CCSER1: variants seen among roughly 807,000 people sequenced by gnomAD.
CCSER1 encodes the protein coiled-coil serine rich protein 1.
Under a neutral mutation model 82.0 loss-of-function variants are expected in CCSER1, and 41 were observed. The observed-to-expected ratio is 0.50, with a 90% CI of 0.39 to 0.65. The LOEUF is 0.65. Among genes scored for constraint, CCSER1 ranks in the 30% least tolerant of loss-of-function variants. The probability of loss-of-function intolerance (pLI) is 0.00; values close to 1 mark genes in which losing one functional copy is unlikely to be tolerated. For synonymous variants in CCSER1, 414 were observed against 383.9 expected (o/e 1.08, Z -0.92); for missense variants, 1,119 against 1,064.2 (o/e 1.05, Z -0.72).
At chr4:91,370,675 G>A (rs961234319) in intron 10 of CCSER1, among the ~76,000 whole-genome samples, 11 of 151,126 alleles carry the variant, frequency 7.3e-5, no homozygotes, top group Admixed American at 2.0e-4. Context: ...CAGCCTGGGC[G>A]ACAGAATGAG....
intron 9 of CCSER1, among the ~76,000 whole-genome samples, chr4:91,079,879 T>A (rs1420250221): frequency 6.6e-6 from 1 of 152,162 alleles, no homozygotes; most frequent in South Asian, 2.1e-4. Context: ...ATTCTAAATT[T>A]ATAGGCACCC....
At chr4:91,288,653 C>T (rs985118694) in intron 10 of CCSER1, among the ~76,000 whole-genome samples, 1 of 152,016 alleles carries the variant, frequency 6.6e-6, no homozygotes, top group African/African-American at 2.4e-5. Context: ...AAACTCTATT[C>T]TGTTGCTTCC....
At chr4:90,382,159 G>A (rs1268335142) in intron 3 of CCSER1, among the ~76,000 whole-genome samples, 1 of 152,046 alleles carries the variant, frequency 6.6e-6, no homozygotes, top group African/African-American at 2.4e-5. Flanking sequence ...TATCAAATAG[G>A]TAAGTTAGCA....
chr4:90,215,368 A>G (rs1740822556), intron 1 of CCSER1, among the ~76,000 whole-genome samples: 2 of 152,220 alleles, frequency 1.3e-5, no homozygotes, highest in South Asian at 2.1e-4. Flanking sequence ...ACCAAAGTAT[A>G]TATTTCTTAA....
intron 10 of CCSER1, among the ~76,000 whole-genome samples, chr4:91,387,210 T>C (rs987281916): frequency 5.9e-5 from 9 of 151,938 alleles, no homozygotes; most frequent in African/African-American, 2.2e-4. Context: ...AATATATACA[T>C]AGACATACAC....
At chr4:91,043,047 G>C (rs1742109215) in intron 9 of CCSER1, among the ~76,000 whole-genome samples, 1 of 151,888 alleles carries the variant, frequency 6.6e-6, no homozygotes, top group Non-Finnish European at 1.5e-5. Context: ...GTGTTTTGGA[G>C]TATCATCCAC....
At chr4:91,312,427 T>C (rs1484256083) in intron 10 of CCSER1, among the ~76,000 whole-genome samples, 1 of 18,866 alleles carries the variant, frequency 5.3e-5, no homozygotes, top group Non-Finnish European at 1.7e-4. Context: ...TGTATATCTG[T>C]GATAGGCTAG....
chr4:91,405,603 G>C (rs1200494606), intron 10 of CCSER1, among the ~76,000 whole-genome samples: 1 of 152,172 alleles, frequency 6.6e-6, no homozygotes, highest in African/African-American at 2.4e-5. Flanking sequence ...CTGCCTCGGG[G>C]CTGCCTTGCA....
chr4:90,198,598 A>G (rs1737045001), intron 1 of CCSER1, among the ~76,000 whole-genome samples: 1 of 152,092 alleles, frequency 6.6e-6, no homozygotes, highest in Admixed American at 6.6e-5. Flanking sequence ...GTGAATTTCA[A>G]CTCTGGAAGG....
At chr4:91,474,035 G>A (rs549368735) in intron 10 of CCSER1, among the ~76,000 whole-genome samples, 2 of 152,134 alleles carry the variant, frequency 1.3e-5, no homozygotes, top group South Asian at 2.1e-4. Flanking sequence ...TTTCTTCGAT[G>A]TTCTAGATTT....
intron 1 of CCSER1, among the ~76,000 whole-genome samples, chr4:90,292,809 A>C (rs889630040): frequency 6.6e-6 from 1 of 151,870 alleles, no homozygotes; most frequent in African/African-American, 2.4e-5. Context: ...GTTGGATTCC[A>C]TATTACTGCC....
chr4:90,262,609 A>C (rs924278372), intron 1 of CCSER1, among the ~76,000 whole-genome samples: 2 of 152,226 alleles, frequency 1.3e-5, no homozygotes, highest in Non-Finnish European at 2.9e-5. Context: ...TGCTAAAGCC[A>C]GTGGGTAGAT....
intron 9 of CCSER1, among the ~76,000 whole-genome samples, chr4:91,008,071 A>G (rs1387678433): frequency 6.6e-6 from 1 of 152,016 alleles, no homozygotes. Context: ...TTCTAGTTTC[A>G]TACACTGTGA....
chr4:90,598,414 A>G (rs897827118), intron 5 of CCSER1, among the ~76,000 whole-genome samples: 1 of 152,110 alleles, frequency 6.6e-6, no homozygotes, highest in Non-Finnish European at 1.5e-5. Context: ...TGCTGCACCA[A>G]TTTAAATTCC....
intron 10 of CCSER1, among the ~76,000 whole-genome samples, chr4:91,256,141 TG>T (rs553425372): frequency 1.3e-5 from 2 of 152,050 alleles, no homozygotes; most frequent in South Asian, 4.2e-4. Context: ...CCTGGTTGGG[TG>T]GGGGGGCCCT....
chr4:91,414,856 G>A (rs1753262710), intron 10 of CCSER1, among the ~76,000 whole-genome samples: 1 of 152,082 alleles, frequency 6.6e-6, no homozygotes, highest in Non-Finnish European at 1.5e-5. Context: ...TGGGTTGATT[G>A]ATTCAAGAGA....
At position 91,600,490 on chromosome 4, in the gene CCSER1, A is replaced by G. The variant is rs1265514668; in HGVS notation, c.*1433A>G. On this transcript the variant is annotated 3_prime_UTR_variant, in exon 11 of 11. Transcript: ENST00000509176. ...ATCTGTTTCCCTTGCATTTTCTAACAGAATCTGTCAGCGTGCACAAGCAAG... is the reference window on the plus strand; with the variant it reads ...ATCTGTTTCCCTTGCATTTTCTAACGGAATCTGTCAGCGTGCACAAGCAAG... 1 of 152,160 alleles carries G rather than the reference A, an allele frequency of 6.6e-6. No individual in the cohort carries two copies. Among genetic ancestry groups the G allele is most frequent in the Non-Finnish European group, 1.5e-5 (1 of 68,008 alleles). 9.4% of individuals were successfully genotyped at this position (152,160 alleles called of 1,614,324 possible).
intron 4 of CCSER1, among the ~76,000 whole-genome samples, chr4:90,458,784 T>C (rs1044743987): frequency 6.6e-6 from 1 of 152,360 alleles, no homozygotes; most frequent in East Asian, 1.9e-4. Flanking sequence ...TCTAATATTA[T>C]GTGTGGAATT....
At position 90,251,214 on chromosome 4, in the gene CCSER1, T is replaced by A. The variant is rs143743342; in HGVS notation, c.-41-57030T>A. On this transcript the variant is annotated intron_variant, in intron 1 of 10. Transcript: ENST00000509176. ...TGGATTCCTTTATTTTATTTAAGTG[T>A]TATAAATTTTTACTTTTTGCCTACT... Among the ~76,000 whole-genome samples, 47 of 152,042 alleles carry A rather than the reference T, an allele frequency of 3.1e-4. No individual in the cohort carries two copies. The East Asian group carries it at 8.5e-3, about 27-fold the overall frequency.
Sources: gnomAD v4.1 joint callset for allele counts (sites outside exome capture counted in the v4.1 genomes callset) on GRCh38, gnomAD v4.1.1 for gene constraint, MANE v1.5 for transcripts, NCBI Gene and HGNC (gene_info 2026-07-23, HGNC 2026-07-21) for gene names.